NPHP4: variants seen among roughly 807,000 people sequenced by gnomAD.
NPHP4 encodes the protein nephrocystin 4, also known as nephrocystin-4.
A neutral mutation model predicts 155.8 loss-of-function variants in NPHP4; 151 were observed. That is an observed-to-expected ratio of 0.97 (90% CI 0.85 to 1.11). NPHP4 has a LOEUF of 1.11. Among genes scored for constraint, NPHP4 ranks in the 50% least tolerant of loss-of-function variants. NPHP4 has a pLI of 0.00. For missense variants in NPHP4, 1,956 were observed against 1,925.7 expected (o/e 1.02, Z -0.29); for synonymous variants, 845 against 816.8 (o/e 1.03, Z -0.59).
intron 9 of NPHP4, among the ~76,000 whole-genome samples, chr1:5,943,112 G>T (rs1646910630): frequency 6.6e-6 from 1 of 152,244 alleles, no homozygotes; most frequent in Non-Finnish European, 1.5e-5. Flanking sequence ...ATCCTGGGAA[G>T]AAAGTGGTCT....
rs537993604 is a variant in NPHP4 at position 5,866,622 on chromosome 1, CAA to C, written c.3559-166_3559-165del. On this transcript the variant is annotated intron_variant, in intron 25 of 29. Coordinates refer to ENST00000378156, the MANE Select transcript of NPHP4 (RefSeq NM_015102.5). ...CGGAATTCACTATTCTGTTCACTGC[CAA>C]AGAGAAGATCATTAGCTTCCTGATT... Among the ~76,000 whole-genome samples, 69 of 152,266 alleles carry C rather than the reference CAA, an allele frequency of 4.5e-4. No homozygotes were observed. In the Middle Eastern group the frequency reaches 0.014, roughly 30 times the overall value.
chr1:5,900,387 G>A (rs930226746), intron 16 of NPHP4, among the ~76,000 whole-genome samples: 2 of 152,180 alleles, frequency 1.3e-5, no homozygotes, highest in African/African-American at 2.4e-5. Flanking sequence ...AATCCAATAC[G>A]TGAGTGAGCG....
intron 10 of NPHP4, 35 bp downstream of exon 10, chr1:5,933,112 C>CA (rs746480293): frequency 1.4e-6 from 2 of 1,436,824 alleles, no homozygotes; most frequent in East Asian, 4.7e-5. Context: ...GCTAGAAGCT[C>CA]ACCGGAGATG....
intron 3 of NPHP4, among the ~76,000 whole-genome samples, chr1:5,970,348 C>G (rs542485798): frequency 2.0e-5 from 3 of 152,050 alleles, no homozygotes; most frequent in African/African-American, 7.2e-5. Flanking sequence ...ATGAAAAATA[C>G]AAAAATTAGC....
chr1:5,990,301 C>T (rs532351752), intron 1 of NPHP4, among the ~76,000 whole-genome samples: 4 of 152,158 alleles, frequency 2.6e-5, no homozygotes, highest in Non-Finnish European at 5.9e-5. Flanking sequence ...CAGGCTGGGT[C>T]TTCAGCAAAA....
intron 2 of NPHP4, among the ~76,000 whole-genome samples, chr1:5,983,871 T>C (rs1262935037): frequency 6.6e-6 from 1 of 152,246 alleles, no homozygotes; most frequent in Non-Finnish European, 1.5e-5. Context: ...AGTATGTACA[T>C]GGTTTATATT....
rs1643098100 is a variant in NPHP4, at chr1:5,880,015, A to G, written c.2611+99T>C. 14 of 1,356,784 alleles carry G rather than the reference A, an allele frequency of 1.0e-5. No homozygotes were observed. In the East Asian group the frequency reaches 1.2e-4, roughly 12 times the overall value. 84.0% of individuals were successfully genotyped at this position (1,356,784 alleles called of 1,614,324 possible). On this transcript the variant is annotated intron_variant, in intron 19 of 29. Transcript: ENST00000378156. ...CACCACGAATGGTGCACACACACAC[A>G]CATGCACACACGCATGCACACACAC...
At position 5,879,981 on chromosome 1, in the gene NPHP4, C is replaced by T. The variant is rs1643091562; in HGVS notation, c.2611+133G>A. On this transcript the variant is annotated intron_variant, in intron 19 of 29. Transcript: ENST00000378156. ...CAGTCCCGTCCTAGACGCAGAGGGG[C>T]ACTGACAGCACCACGAATGGTGCAC... The T allele has an allele frequency of 6.5e-6, 7 of 1,072,652 alleles. 1 individual carries two copies. Among genetic ancestry groups the T allele is most frequent in the Non-Finnish European group, 9.5e-6 (7 of 737,216 alleles). 66.4% of individuals were successfully genotyped at this position (1,072,652 alleles called of 1,614,324 possible).
intron 9 of NPHP4, among the ~76,000 whole-genome samples, chr1:5,943,752 G>C (rs983160912): frequency 2.0e-5 from 3 of 152,170 alleles, no homozygotes; most frequent in Non-Finnish European, 4.4e-5. Flanking sequence ...TGTACACCCA[G>C]GCTGACTGGA....
chr1:5,886,288 A>C (rs1419730945), intron 18 of NPHP4, among the ~76,000 whole-genome samples: 1 of 152,182 alleles, frequency 6.6e-6, no homozygotes, highest in Non-Finnish European at 1.5e-5. Flanking sequence ...GTACATTCGT[A>C]AACAGGCAGG....
At position 5,874,619 on chromosome 1, in the gene NPHP4, C is replaced by T; in HGVS notation, c.3083G>A (p.Gly1028Asp). 2 of 1,612,148 alleles carry T rather than the reference C, an allele frequency of 1.2e-6. No individual in the cohort carries two copies. Among genetic ancestry groups the T allele is most frequent in the East Asian group, 2.2e-5 (1 of 44,870 alleles). The stretch of plus-strand genomic sequence containing the variant: ...CACCGGTGTGTGCAGGCCAGCAGCA[C>T]CCTTGAAGTCCCTCCACTCCTGACT... ...VDSQEWRDFK[G>D]AAGLHTPVEE... Residue 1028 changes from glycine to aspartate, a missense_variant, in exon 22 of 30, where the codon GGT becomes GAT. Physicochemically the swap from Gly to Asp is moderately conservative, Grantham distance 94 (BLOSUM62 -1). Coordinates refer to ENST00000378156, the MANE Select transcript of NPHP4 (RefSeq NM_015102.5).
rs1329180738 is a variant in NPHP4, at chr1:5,935,055, C to T, written c.1120-1726G>A. Among the ~76,000 whole-genome samples the T allele has an allele frequency of 3.3e-5, 5 of 152,336 alleles. No homozygotes were observed. In the East Asian group the frequency reaches 5.8e-4, roughly 18 times the overall value. ...GACACAGATGGCCCCATGGTCTCTA[C>T]TGGGCTAAACCACAGCCAACTTCAT... On this transcript the variant is annotated intron_variant, in intron 9 of 29. Coordinates refer to ENST00000378156, the MANE Select transcript of NPHP4 (RefSeq NM_015102.5).
chr1:5,979,419 T>C (rs1217382764), intron 2 of NPHP4, among the ~76,000 whole-genome samples: 3 of 151,816 alleles, frequency 2.0e-5, no homozygotes, highest in Admixed American at 1.3e-4. Flanking sequence ...CACAGGGAGT[T>C]TGGGGAGAGG....
intron 3 of NPHP4, among the ~76,000 whole-genome samples, chr1:5,976,405 G>C (rs913412101): frequency 5.9e-5 from 9 of 152,198 alleles, no homozygotes; most frequent in Non-Finnish European, 1.3e-4. Context: ...CACAACACCA[G>C]GTTTCGGGGG....
intron 3 of NPHP4, among the ~76,000 whole-genome samples, chr1:5,971,270 G>A (rs1652511195): frequency 6.6e-6 from 1 of 152,136 alleles, no homozygotes; most frequent in South Asian, 2.1e-4. Flanking sequence ...AACAACAACA[G>A]CAACAGAGCC....
intron 11 of NPHP4, among the ~76,000 whole-genome samples, chr1:5,920,563 G>A (rs72857448): frequency 0.021 from 3,218 of 152,218 alleles, 92 homozygotes; most frequent in African/African-American, 0.07. Context: ...ATGATCGCCC[G>A]ACAATCGCTG....
chr1:5,933,123 C>A, intron 10 of NPHP4, 24 bp downstream of exon 10: 1 of 1,482,224 alleles, frequency 6.7e-7, no homozygotes, highest in Non-Finnish European at 9.1e-7. Context: ...ACCGGAGATG[C>A]ATAAGAAATA....
At chr1:5,880,514 C>T (rs566109355) in intron 18 of NPHP4, 148 of 429,284 alleles carry the variant, frequency 3.4e-4, no homozygotes, top group Middle Eastern at 3.4e-3. Context: ...ACTCACAGTT[C>T]GCTGCACATG....
intron 2 of NPHP4, among the ~76,000 whole-genome samples, chr1:5,983,031 A>C (rs755138175): frequency 9.9e-5 from 15 of 152,162 alleles, no homozygotes; most frequent in Admixed American, 7.9e-4. Flanking sequence ...AGGGTGATTG[A>C]TGGTACACTT....
Sources: allele counts gnomAD v4.1 joint callset (sites outside exome capture counted in the v4.1 genomes callset), GRCh38; gene constraint gnomAD v4.1.1; transcripts MANE v1.5; gene names NCBI Gene and HGNC (gene_info 2026-07-23, HGNC 2026-07-21).